DNASE1: variants seen among roughly 807,000 people sequenced by gnomAD.
The protein encoded by DNASE1 is deoxyribonuclease-1.
DNASE1 carries 40 observed loss-of-function variants against 33.9 expected under a neutral mutation model. The observed-to-expected ratio is 1.18, with a 90% CI of 0.92 to 1.54. The LOEUF (loss-of-function observed/expected upper bound fraction) is 1.54, where lower values mean the gene tolerates loss of function less well. Among genes scored for constraint, DNASE1 ranks in the 40% most tolerant of loss-of-function variants. The pLI, the probability that DNASE1 is intolerant of heterozygous loss-of-function variation, is 0.00. For synonymous variants in DNASE1, 216 were observed against 160.0 expected (o/e 1.35, Z -2.64); for missense variants, 518 against 372.6 (o/e 1.39, Z -3.21).
At position 3,647,859 on chromosome 16, in the gene DNASE1, A is replaced by AT. The variant is rs200018796; in HGVS notation, c.-86+4834dup. Among the ~76,000 whole-genome samples the AT allele has an allele frequency of 8.0e-3, 1,197 of 149,128 alleles. 6 individuals carry two copies. The highest frequency in any genetic ancestry group is 0.011 in the Non-Finnish European group (766 of 67,038). On this transcript the variant is annotated intron_variant, in intron 1 of 9. Transcript: ENST00000407479. ...ACCCCATCTCTACCAAAAAAGAACA[A>AT]TTTTTTTTTTTAAATTAGCCAGGTG...
chr16:3,657,876 A>C, intron 8 of DNASE1, 30 bp from the exon 9 acceptor site: 1 of 1,614,044 alleles, frequency 6.2e-7, no homozygotes. Flanking sequence ...AGGTAGGCTC[A>C]GCCCAGACCC....
chr16:3,655,229 G>T, intron 1 of DNASE1, 144 bp from the exon 2 acceptor site: 2 of 1,173,216 alleles, frequency 1.7e-6, no homozygotes, highest in Non-Finnish European at 2.4e-6. Context: ...CTTTCTGGAC[G>T]TTGTAGGAAA....
At position 3,654,985 on chromosome 16, in the gene DNASE1, G is replaced by A. The variant is rs2042501398; in HGVS notation, c.-61G>A. On this transcript the variant is annotated 5_prime_UTR_variant, in exon 1 of 9. Coordinates refer to ENST00000246949, the MANE Select transcript of DNASE1 (RefSeq NM_005223.4). ...GCAAAAGGAGAAAATTGTCATCAAA[G>A]GATATTCCAGATTCTTGACAGCATT... 8.3e-6 allele frequency: 4 copies of A among 479,042 alleles called. No homozygotes were observed. Among genetic ancestry groups the A allele is most frequent in the Non-Finnish European group, 1.5e-5 (4 of 273,802 alleles). The allele number at this position is 479,042 out of a possible 1,614,324, so 29.7% of individuals were successfully genotyped here.
chr16:3,652,585 G>A (rs543566659), upstream of DNASE1: 2 of 152,398 alleles, frequency 1.3e-5, no homozygotes, highest in African/African-American at 4.8e-5. Flanking sequence ...AGCCTGAGGA[G>A]TGGTGGTGTT....
At chr16:3,624,369 G>A (rs150801581) in intron 1 of DNASE1, among the ~76,000 whole-genome samples, 1 of 152,146 alleles carries the variant, frequency 6.6e-6, no homozygotes, top group Non-Finnish European at 1.5e-5. Context: ...TTCTTCTAGA[G>A]TTTTTATTTT....
At chr16:3,632,586 CTTT>C (rs554432843) in intron 1 of DNASE1, among the ~76,000 whole-genome samples, 1 of 141,252 alleles carries the variant, frequency 7.1e-6, no homozygotes, top group African/African-American at 2.6e-5. Flanking sequence ...TTTTTTCTCT[CTTT>C]TTTTTTTTTT....
intron 1 of DNASE1, among the ~76,000 whole-genome samples, chr16:3,643,292 G>T (rs896617540): frequency 6.6e-6 from 1 of 152,266 alleles, no homozygotes; most frequent in African/African-American, 2.4e-5. Context: ...GCCATTTGCT[G>T]ATGAAGCTGC....
At chr16:3,657,455 C>T in intron 7 of DNASE1, 114 bp downstream of exon 7, 1 of 1,418,726 alleles carries the variant, frequency 7.0e-7, no homozygotes, top group East Asian at 2.4e-5. Context: ...AACTGAGCTT[C>T]AGTTGATCCA....
intron 1 of DNASE1, among the ~76,000 whole-genome samples, chr16:3,643,425 C>T (rs1436824126): frequency 2.0e-5 from 3 of 152,254 alleles, no homozygotes; most frequent in African/African-American, 7.2e-5. Flanking sequence ...AGGCTCTCAT[C>T]TGGGACCAAC....
chr16:3,623,868 C>A (rs974453358), intron 1 of DNASE1, among the ~76,000 whole-genome samples: 2 of 152,210 alleles, frequency 1.3e-5, no homozygotes, highest in Admixed American at 1.3e-4. Flanking sequence ...TATCATCTTA[C>A]ACTGGTCAGA....
chr16:3,632,600 T>TA (rs979024094), intron 1 of DNASE1, among the ~76,000 whole-genome samples: 4 of 151,366 alleles, frequency 2.6e-5, no homozygotes, highest in Non-Finnish European at 4.4e-5. Flanking sequence ...TTTTTTTTTT[T>TA]AAAGACGAGA....
intron 1 of DNASE1, among the ~76,000 whole-genome samples, chr16:3,617,007 A>G (rs1245983348): frequency 1.3e-5 from 2 of 152,128 alleles, no homozygotes; most frequent in African/African-American, 4.8e-5. Context: ...GAATGGATCA[A>G]AGACCCAATG....
chr16:3,629,889 C>G (rs777591218), intron 1 of DNASE1, among the ~76,000 whole-genome samples: 3 of 152,212 alleles, frequency 2.0e-5, no homozygotes, highest in African/African-American at 4.8e-5. Context: ...TCTTGGCTCA[C>G]TGCAACCTCT....
chr16:3,659,110 A>C, downstream of DNASE1: 1 of 446,280 alleles, frequency 2.2e-6, no homozygotes, highest in Non-Finnish European at 4.0e-6. Context: ...ATATACACTA[A>C]AGGGACAAAA....
chr16:3,653,830 A>AAAAAAAAAAAAC (rs1567205878), upstream of DNASE1: 34 of 146,394 alleles, frequency 2.3e-4, no homozygotes, highest in African/African-American at 7.7e-4. Flanking sequence ...AAAAAAAAAA[A>AAAAAAAAAAAAC]AAAAAAAAAA....
In DNASE1 at chr16:3,656,707, C is replaced by T. The variant is rs2042665308; in HGVS notation, c.390C>T (p.Thr130=). 1.2e-6 allele frequency: 2 copies of T among 1,613,064 alleles called. No individual in the cohort carries two copies. Among genetic ancestry groups the T allele is most frequent in the South Asian group, 1.1e-5 (1 of 90,848 alleles). ...GCTGCGAGCCCTGCGGGAACGACAC[C>T]TTCAACCGAGAGCCAGCCATTGTCA... ...DDGCEPCGND[T]FNREPAIVRF... is the part of the protein sequence containing the mutation. The change falls in exon 5 of 9, where the codon ACC becomes ACT. Residue 130 remains threonine (T), a synonymous_variant. Transcript: ENST00000246949.
chr16:3,632,739 C>T (rs55845471), intron 1 of DNASE1, among the ~76,000 whole-genome samples: 3,914 of 152,116 alleles, frequency 0.026, 76 homozygotes, highest in Middle Eastern at 0.041. Flanking sequence ...GCATCTGCCA[C>T]CATGCCTGGG....
intron 1 of DNASE1, among the ~76,000 whole-genome samples, chr16:3,616,913 C>G (rs1401168722): frequency 1.3e-5 from 2 of 152,100 alleles, no homozygotes; most frequent in Admixed American, 1.3e-4. Context: ...GTGTCTTCCA[C>G]AAATGGAGCT....
At chr16:3,619,917 C>CTTT (rs1180233396) in intron 1 of DNASE1, among the ~76,000 whole-genome samples, 2 of 136,840 alleles carry the variant, frequency 1.5e-5, no homozygotes, top group African/African-American at 5.4e-5. Flanking sequence ...TATGGCTTTT[C>CTTT]TTTTTTTTTT....
Sources: gnomAD v4.1 joint callset for allele counts (sites outside exome capture counted in the v4.1 genomes callset) on GRCh38, gnomAD v4.1.1 for gene constraint, MANE v1.5 for transcripts, NCBI Gene and HGNC (gene_info 2026-07-23, HGNC 2026-07-21) for gene names.